The following ITFG2 variants were observed in gnomAD, a reference collection of about 807,000 sequenced individuals.
The protein encoded by ITFG2 is integrin alpha FG-GAP repeat containing 2.
Under a neutral mutation model 54.4 loss-of-function variants are expected in ITFG2, and 36 were observed. The ratio of observed to expected loss-of-function variants is 0.66; its 90% confidence interval spans 0.51 to 0.87. The LOEUF (loss-of-function observed/expected upper bound fraction) is 0.87, where lower values mean the gene tolerates loss of function less well. Among genes scored for constraint, ITFG2 ranks in the 40% least tolerant of loss-of-function variants. ITFG2 has a pLI of 0.00. For missense variants in ITFG2, 524 were observed against 576.7 expected (o/e 0.91, Z 0.94); for synonymous variants, 211 against 225.4 (o/e 0.94, Z 0.57).
upstream of ITFG2, among the ~76,000 whole-genome samples, chr12:2,836,285 T>C (rs2153926709): frequency 6.6e-6 from 1 of 152,360 alleles, no homozygotes; most frequent in East Asian, 1.9e-4. Flanking sequence ...TCAGACTTTT[T>C]CTAGCCCTGG....
chr12:2,828,420 AAAG>A (rs770761259), downstream of ITFG2: 2 of 1,612,518 alleles, frequency 1.2e-6, no homozygotes, highest in Admixed American at 1.7e-5. Context: ...TGGCACTAAG[AAAG>A]AAGAATCGTG....
At chr12:2,828,193 C>T, downstream of ITFG2, 1 of 1,135,504 alleles carries the variant, frequency 8.8e-7, no homozygotes. Context: ...CTGCCAGAGT[C>T]TTCTAGCCAC....
At chr12:2,821,207 T>C in intron 6 of ITFG2, 55 bp from the exon 7 acceptor site, 1 of 1,386,792 alleles carries the variant, frequency 7.2e-7, no homozygotes, top group Non-Finnish European at 1.0e-6. Flanking sequence ...TACAAAGGGC[T>C]GGAGAGCTCA....
Position 2,812,820 on chromosome 12 carries a change from G to A in ITFG2, c.60G>A (p.Pro20=), listed in dbSNP as rs1376937938. The change falls in exon 1 of 12, where the codon CCG becomes CCA. Residue 20 remains proline (P), a synonymous_variant. Transcript: ENST00000228799. The part of the protein sequence containing the change: ...VALEFSGSLF[P]HAICLGDVDN... ...TGGAGTTCAGCGGGAGCCTCTTCCC[G>A]CACGCAATCTGCCTCGGAGACGTTG... 2 of 1,612,988 alleles carry A rather than the reference G, an allele frequency of 1.2e-6. No homozygotes were observed. The highest frequency in any genetic ancestry group is 2.2e-5 in the South Asian group (2 of 91,066).
upstream of ITFG2, among the ~76,000 whole-genome samples, chr12:2,833,642 T>C (rs1351194958): frequency 6.6e-6 from 1 of 152,086 alleles, no homozygotes; most frequent in Non-Finnish European, 1.5e-5. Flanking sequence ...AACCGAGTGC[T>C]CCCAAGCCTT....
downstream of ITFG2, chr12:2,827,068 G>T (rs2097970830): frequency 6.7e-7 from 1 of 1,486,472 alleles, no homozygotes. This position sits in a 1 kb window ranked among gnomAD's most constrained non-coding sequence, Gnocchi z 4.0. Flanking sequence ...TGGGGAAAAT[G>T]GGACAGCAGG....
In ITFG2 at chr12:2,825,045, T is replaced by C. The variant is rs1453854102; in HGVS notation, c.*852T>C. The C allele has an allele frequency of 6.6e-6, 1 of 152,294 alleles. No homozygotes were observed. Among genetic ancestry groups the C allele is most frequent in the Non-Finnish European group, 1.5e-5 (1 of 68,096 alleles). The allele number at this position is 152,294 out of a possible 1,614,324, so 9.4% of individuals were successfully genotyped here. A position where few individuals can be genotyped will look rare whatever the true frequency, so the allele number is the denominator to read the frequency against. On this transcript the variant is annotated 3_prime_UTR_variant, in exon 12 of 12. Transcript: ENST00000228799. Reference sequence around the variant, plus strand: ...GCCAGCATTTTTTAAATAGGTAGAATAGAATAAAGTAAAATAGAAAATAGC... The same window carrying C: ...GCCAGCATTTTTTAAATAGGTAGAACAGAATAAAGTAAAATAGAAAATAGC...
upstream of ITFG2, among the ~76,000 whole-genome samples, chr12:2,835,840 T>C (rs1032946521): frequency 3.9e-5 from 6 of 152,250 alleles, no homozygotes; most frequent in African/African-American, 9.6e-5. Context: ...TACTTACATA[T>C]GCATTCTAAG....
At chr12:2,834,380 C>T (rs2098017785), upstream of ITFG2, among the ~76,000 whole-genome samples, 1 of 152,176 alleles carries the variant, frequency 6.6e-6, no homozygotes, top group Admixed American at 6.5e-5. Flanking sequence ...CAGCCTAGCT[C>T]CTCACCACCC....
At chr12:2,851,107 G>T (rs28870117) in intron 2 of ITFG2, among the ~76,000 whole-genome samples, 4,708 of 149,660 alleles carry the variant, frequency 0.031, 228 homozygotes, top group African/African-American at 0.11. Flanking sequence ...GCAGTGAGCA[G>T]TGCCGAGATC....
At chr12:2,813,689 C>T (rs1203253567) in intron 1 of ITFG2, among the ~76,000 whole-genome samples, 1 of 152,050 alleles carries the variant, frequency 6.6e-6, no homozygotes, top group Non-Finnish European at 1.5e-5. Context: ...TGTATTGCCC[C>T]CTTCTACCCT....
At chr12:2,819,261 G>A (rs980569157) in intron 4 of ITFG2, among the ~76,000 whole-genome samples, 1 of 151,972 alleles carries the variant, frequency 6.6e-6, no homozygotes, top group Non-Finnish European at 1.5e-5. Context: ...TCAGGAGACC[G>A]AGACCATCCT....
chr12:2,818,246 C>G lies in ITFG2; in HGVS notation c.375C>G (p.Ala125=). 6.2e-7 allele frequency: 1 copy of G among 1,613,788 alleles called. No individual in the cohort carries two copies. The highest frequency in any genetic ancestry group is 8.5e-7 in the Non-Finnish European group (1 of 1,180,036). Residue 125 remains alanine (A), a synonymous_variant, in exon 4 of 12, where the codon GCC becomes GCG. Coordinates refer to ENST00000228799, the MANE Select transcript of ITFG2 (RefSeq NM_018463.4). ...CAGTCTTCAAGCAGCACATCCCTGC[C>G]AACACCAAGGTCATGCTGATCAGCG... is the stretch of plus-strand genomic sequence containing the variant. The part of the protein sequence containing the change: ...QRPVFKQHIP[A]NTKVMLISDI...
intron 2 of ITFG2, chr12:2,855,193 G>C (rs1310568547): frequency 6.6e-7 from 1 of 1,508,306 alleles, no homozygotes; most frequent in Admixed American, 2.0e-5. Flanking sequence ...AGGCTGGGTG[G>C]GGAAGGTGGC....
intron 4 of ITFG2, 64 bp downstream of exon 4, chr12:2,818,341 C>A: frequency 6.3e-7 from 1 of 1,596,966 alleles, no homozygotes; most frequent in South Asian, 1.1e-5. Context: ...AGAGCATATC[C>A]CAAGGGATTG....
upstream of ITFG2, among the ~76,000 whole-genome samples, chr12:2,834,433 GA>G (rs988458623): frequency 1.3e-5 from 2 of 152,172 alleles, no homozygotes; most frequent in African/African-American, 2.4e-5. Context: ...GCCAAGCAAT[GA>G]GAGAATAGGA....
chr12:2,818,901 C>G (rs1321637130), intron 4 of ITFG2, among the ~76,000 whole-genome samples: 1 of 151,916 alleles, frequency 6.6e-6, no homozygotes, highest in African/African-American at 2.4e-5. Flanking sequence ...ACCTGTTATC[C>G]CAGCTACTCA....
intron 2 of ITFG2, among the ~76,000 whole-genome samples, chr12:2,848,763 C>G (rs573705961): frequency 5.9e-5 from 9 of 152,226 alleles, no homozygotes; most frequent in African/African-American, 2.2e-4. Flanking sequence ...AAGAGGCTTT[C>G]TATACCCTGA....
chr12:2,857,405 C>A, intron 2 of ITFG2: 1 of 285,162 alleles, frequency 3.5e-6, no homozygotes, highest in Non-Finnish European at 6.9e-6. Context: ...TTATTAAGAA[C>A]CCTCAAAAGG....
Sources: allele counts gnomAD v4.1 joint callset (sites outside exome capture counted in the v4.1 genomes callset), GRCh38; gene constraint gnomAD v4.1.1; non-coding constraint Gnocchi (gnomAD v3.1); transcripts MANE v1.5; gene names NCBI Gene and HGNC (gene_info 2026-07-23, HGNC 2026-07-21).